The following TTC21B variants were observed in gnomAD, a reference collection of about 807,000 sequenced individuals.
TTC21B encodes the protein tetratricopeptide repeat domain 21B.
A neutral mutation model predicts 175.1 loss-of-function variants in TTC21B; 127 were observed. The observed-to-expected ratio is 0.73, with a 90% confidence interval of 0.63 to 0.84. The LOEUF is 0.84. Ranked by LOEUF, TTC21B falls within the 40% of genes least tolerant of loss-of-function variation. The pLI is 0.00. For missense variants in TTC21B, 1,561 were observed against 1,558.3 expected, an observed-to-expected ratio of 1.00 and a Z score of -0.03; for synonymous variants, 524 against 524.5, an observed-to-expected ratio of 1.00 and a Z score of 0.01.
chr2:165,902,210 AG>A (rs1295757695), intron 19 of TTC21B, among the ~76,000 whole-genome samples: 1 of 152,216 alleles, frequency 6.6e-6, no homozygotes, highest in Non-Finnish European at 1.5e-5. Context: ...AAATACAAAG[AG>A]GTGGGGCCTT....
At chr2:165,897,032 G>A (rs1685389769) in intron 22 of TTC21B, among the ~76,000 whole-genome samples, 1 of 152,152 alleles carries the variant, frequency 6.6e-6, no homozygotes, top group South Asian at 2.1e-4. Flanking sequence ...ATGAGGTGAT[G>A]CTCAGGCAAG....
At chr2:165,922,933 A>G (rs1574109499) in intron 12 of TTC21B, among the ~76,000 whole-genome samples, 1 of 152,226 alleles carries the variant, frequency 6.6e-6, no homozygotes, top group Admixed American at 6.5e-5. Flanking sequence ...AACGTGTTTT[A>G]TAGCAACCTG....
intron 27 of TTC21B, among the ~76,000 whole-genome samples, chr2:165,877,008 C>T (rs1238394786): frequency 6.6e-6 from 1 of 152,142 alleles, no homozygotes; most frequent in African/African-American, 2.4e-5. Context: ...TAGTGAAATG[C>T]CACACTTCTA....
chr2:165,925,083 T>C (rs568448416), intron 11 of TTC21B, among the ~76,000 whole-genome samples: 176 of 152,326 alleles, frequency 1.2e-3, no homozygotes, highest in African/African-American at 4.0e-3. Context: ...GCCTTGTGAT[T>C]TGCTCAATTC....
intron 22 of TTC21B, among the ~76,000 whole-genome samples, chr2:165,893,958 T>G (rs1685278744): frequency 6.6e-6 from 1 of 152,178 alleles, no homozygotes; most frequent in Non-Finnish European, 1.5e-5. Flanking sequence ...ATGCTATGAT[T>G]TTAGACTTTA....
chr2:165,932,660 G>T (rs61075200), intron 7 of TTC21B, among the ~76,000 whole-genome samples: 2 of 151,394 alleles, frequency 1.3e-5, no homozygotes, highest in African/African-American at 4.9e-5. Flanking sequence ...GTTACATTAC[G>T]TATCTAGTTA....
intron 11 of TTC21B, 151 bp from the exon 12 acceptor site, chr2:165,924,829 G>A: frequency 2.5e-6 from 2 of 796,016 alleles, no homozygotes; most frequent in Non-Finnish European, 2.0e-6. Flanking sequence ...CCTTTATTAT[G>A]ACTTAACTAA....
At chr2:165,952,183 G>A (rs992189209) in intron 1 of TTC21B, among the ~76,000 whole-genome samples, 2 of 152,174 alleles carry the variant, frequency 1.3e-5, no homozygotes, top group African/African-American at 4.8e-5. Context: ...GGCCATATCT[G>A]GCTGGCTGGC....
At chr2:165,891,476 T>C (rs1191311360) in intron 22 of TTC21B, among the ~76,000 whole-genome samples, 2 of 152,180 alleles carry the variant, frequency 1.3e-5, no homozygotes, top group African/African-American at 2.4e-5. Context: ...CTCTTTGATA[T>C]GTACATGTAG....
At chr2:165,921,715 T>C (rs577704375) in intron 12 of TTC21B, among the ~76,000 whole-genome samples, 40 of 152,178 alleles carry the variant, frequency 2.6e-4, no homozygotes, top group African/African-American at 9.4e-4. Context: ...GTCATTGCAG[T>C]TGGCAATTTA....
At chr2:165,917,925 A>T (rs1336922703) in intron 13 of TTC21B, among the ~76,000 whole-genome samples, 1 of 152,146 alleles carries the variant, frequency 6.6e-6, no homozygotes, top group African/African-American at 2.4e-5. Context: ...TCAAACATTG[A>T]CCTTCCCCTT....
chr2:165,892,590 C>T (rs528287050), intron 22 of TTC21B, among the ~76,000 whole-genome samples: 1 of 152,268 alleles, frequency 6.6e-6, no homozygotes, highest in South Asian at 2.1e-4. Flanking sequence ...ACTGTGAAGA[C>T]ATTATACCAA....
chr2:165,882,494 G>A (rs772112860), intron 26 of TTC21B, among the ~76,000 whole-genome samples: 1 of 151,434 alleles, frequency 6.6e-6, no homozygotes, highest in Admixed American at 6.6e-5. Flanking sequence ...TCCCAACTTC[G>A]GCTACTAGAG....
intron 1 of TTC21B, among the ~76,000 whole-genome samples, chr2:165,950,334 T>C (rs912554352): frequency 6.6e-6 from 1 of 152,236 alleles, no homozygotes; most frequent in Non-Finnish European, 1.5e-5. Flanking sequence ...TATTTCCATA[T>C]ACAAGACAAA....
chr2:165,906,855 T>C (rs1418763098), intron 19 of TTC21B, among the ~76,000 whole-genome samples: 5 of 146,602 alleles, frequency 3.4e-5, no homozygotes, highest in East Asian at 2.0e-4. Flanking sequence ...CTCAGGAGGC[T>C]GAGACAACAG....
chr2:165,953,577 A>C, intron 1 of TTC21B, 108 bp downstream of exon 1: 1 of 1,511,704 alleles, frequency 6.6e-7, no homozygotes, highest in Non-Finnish European at 8.9e-7. Flanking sequence ...GCAGGGAAAC[A>C]GCGGCCTAGC....
chr2:165,873,747 T>G lies in TTC21B; in HGVS notation c.*1008A>C, dbSNP rs1684579758. ...ACCTGATTATTTCTTAAGACCACAATGGCCTTGAAAGCAGGAAGAATGAGC... is the reference window on the plus strand; with the variant it reads ...ACCTGATTATTTCTTAAGACCACAAGGGCCTTGAAAGCAGGAAGAATGAGC... On this transcript the variant is annotated 3_prime_UTR_variant, in exon 29 of 29. Transcript: ENST00000243344. The G allele has an allele frequency of 6.6e-6, 1 of 152,080 alleles. No homozygotes were observed. The highest frequency in any genetic ancestry group is 2.4e-5 in the African/African-American group (1 of 41,410). The allele number at this position is 152,080 out of a possible 1,614,324, so 9.4% of individuals were successfully genotyped here.
chr2:165,933,103 T>C, intron 6 of TTC21B, 46 bp from the exon 7 acceptor site: 1 of 1,563,056 alleles, frequency 6.4e-7, no homozygotes, highest in Non-Finnish European at 8.7e-7. Flanking sequence ...TTTATATATT[T>C]TCTTTTATTC....
rs559516457 is a variant in TTC21B at position 165,899,296 on chromosome 2, A to G, written c.2868+474T>C. ...AAATGTCATCTGTGTAGCTGTCTGC[A>G]AAGCTAACAAATATTTTAGCCCACG... On this transcript the variant is annotated intron_variant, in intron 21 of 28. Transcript: ENST00000243344. Among the ~76,000 whole-genome samples the G allele has an allele frequency of 3.3e-5, 5 of 152,346 alleles. No homozygotes were observed. In the East Asian group the frequency reaches 9.6e-4, roughly 29 times the overall value.
Sources: allele counts gnomAD v4.1 joint callset (sites outside exome capture counted in the v4.1 genomes callset), GRCh38; gene constraint gnomAD v4.1.1; transcripts MANE v1.5; gene names NCBI Gene and HGNC (gene_info 2026-07-23, HGNC 2026-07-21).